MACF1: variants seen among roughly 807,000 people sequenced by gnomAD.
The protein encoded by MACF1 is microtubule-actin cross-linking factor 1.
In MACF1, 193 loss-of-function variants were observed where a neutral mutation model predicts 854.8. That is an observed-to-expected ratio of 0.23 (90% CI 0.20 to 0.25). The LOEUF is 0.25. Ranked by LOEUF, MACF1 falls within the 10% of genes least tolerant of loss-of-function variation. MACF1 has a pLI of 1.00. For missense variants in MACF1, 7,722 were observed against 8,929.1 expected, an observed-to-expected ratio of 0.86 and a Z score of 5.45; for synonymous variants, 3,185 against 3,226.7, an observed-to-expected ratio of 0.99 and a Z score of 0.44.
chr1:39,136,567 C>CGTG (rs994682962), intron 2 of MACF1, among the ~76,000 whole-genome samples: 1 of 152,144 alleles, frequency 6.6e-6, no homozygotes, highest in Non-Finnish European at 1.5e-5. Context: ...CATAGAGACA[C>CGTG]GTCACCTCAG....
chr1:39,300,854 G>T (rs1646025141), intron 22 of MACF1, among the ~76,000 whole-genome samples: 3 of 152,084 alleles, frequency 2.0e-5, no homozygotes, highest in African/African-American at 7.3e-5. Context: ...AGACCAGCTT[G>T]CGTCTCTGCA....
At chr1:39,355,236 G>T (rs561320544) in intron 44 of MACF1, among the ~76,000 whole-genome samples, 5 of 152,218 alleles carry the variant, frequency 3.3e-5, no homozygotes, top group African/African-American at 1.2e-4. Context: ...AGCAAAAATG[G>T]TTCTGCTGTC....
intron 14 of MACF1, among the ~76,000 whole-genome samples, chr1:39,286,274 A>G (rs1465996982): frequency 1.3e-5 from 2 of 151,874 alleles, no homozygotes; most frequent in Admixed American, 1.3e-4. Flanking sequence ...TCAGCCTCCC[A>G]AAGTGCTGGG....
intron 37 of MACF1, 70 bp from the exon 38 acceptor site, chr1:39,337,112 C>G (rs1646824719): frequency 1.4e-6 from 2 of 1,481,232 alleles, no homozygotes; most frequent in African/African-American, 2.8e-5. Context: ...TAACAAAAAC[C>G]CCTGCCTGCT....
intron 2 of MACF1, among the ~76,000 whole-genome samples, chr1:39,236,249 A>G (rs925650320): frequency 5.3e-5 from 8 of 152,220 alleles, no homozygotes; most frequent in African/African-American, 1.9e-4. Context: ...CTCTTAACCC[A>G]TGCAGAACTG....
intron 2 of MACF1, among the ~76,000 whole-genome samples, chr1:39,129,639 C>T (rs898205152): frequency 1.4e-4 from 21 of 152,150 alleles, no homozygotes; most frequent in African/African-American, 5.1e-4. Flanking sequence ...CAGCCCTAGA[C>T]CTTAAGGGTG....
At chr1:39,287,714 C>A in intron 15 of MACF1, 152 bp downstream of exon 15, 1 of 859,568 alleles carries the variant, frequency 1.2e-6, no homozygotes, top group Non-Finnish European at 1.8e-6. Flanking sequence ...GCTATGTTGC[C>A]CAGGCTGGAC....
At chr1:39,198,906 T>C (rs1053831221) in intron 2 of MACF1, among the ~76,000 whole-genome samples, 19 of 152,196 alleles carry the variant, frequency 1.2e-4, no homozygotes, top group Non-Finnish European at 2.1e-4. Context: ...CAGGTGGAAC[T>C]ATTATATAAA....
intron 58 of MACF1, chr1:39,410,957 A>C (rs760521970): frequency 1.9e-6 from 3 of 1,613,872 alleles, no homozygotes; most frequent in Non-Finnish European, 2.5e-6. Context: ...CCTCCTCATG[A>C]ATTCCAGCCT....
chr1:39,448,526 T>C, intron 83 of MACF1, 68 bp from the exon 84 acceptor site: 3 of 1,339,490 alleles, frequency 2.2e-6, no homozygotes, highest in Admixed American at 2.7e-5. Flanking sequence ...AAAACTCAAA[T>C]TCTTTTGTTC....
In MACF1 at chr1:39,301,712, AC is replaced by A. The variant is rs1249358597; in HGVS notation, c.2635-1211del. On this transcript the variant is annotated intron_variant, in intron 22 of 100. Coordinates refer to ENST00000564288, the MANE Select transcript of MACF1 (RefSeq NM_001394062.1). ...AGTGCTGGGATTACAGGCATAAGCC[AC>A]TGCGCCCAGCGTTTGTTTGTTTTTT... Among the ~76,000 whole-genome samples the A allele has an allele frequency of 2.2e-4, 33 of 151,726 alleles. 1 individual carries two copies. The highest frequency in any genetic ancestry group is 3.9e-4 in the Admixed American group (6 of 15,256).
intron 1 of MACF1, among the ~76,000 whole-genome samples, chr1:39,205,741 A>G (rs950607683): frequency 1.3e-5 from 2 of 152,118 alleles, no homozygotes; most frequent in African/African-American, 4.8e-5. Context: ...ATCTTGTTCA[A>G]TGCAAGGAAG....
intron 2 of MACF1, among the ~76,000 whole-genome samples, chr1:39,178,767 G>A (rs1644066249): frequency 6.6e-6 from 1 of 152,168 alleles, no homozygotes; most frequent in Admixed American, 6.5e-5. Flanking sequence ...CATGAGGCAT[G>A]GCTATGGCAT....
intron 2 of MACF1, among the ~76,000 whole-genome samples, chr1:39,145,001 A>G (rs1473115581): frequency 1.3e-5 from 2 of 152,082 alleles, no homozygotes; most frequent in Non-Finnish European, 2.9e-5. Flanking sequence ...ATCATGTACA[A>G]TAGGGCTCGT....
Position 39,442,307 on chromosome 1 carries a change from T to G in MACF1, c.18935T>G (p.Ile6312Ser). Reference protein sequence around the residue: ...KHLWENLGEKIAHRQHKLEGA... With the variant: ...KHLWENLGEKSAHRQHKLEGA... ...CTCTGGGAGAACCTGGGTGAGAAAATTGCCCACCGACAGGTAAGGCAGGTG... is the reference window on the plus strand; with the variant it reads ...CTCTGGGAGAACCTGGGTGAGAAAAGTGCCCACCGACAGGTAAGGCAGGTG... Residue 6312 changes from isoleucine (I) to serine (S), a missense_variant, in exon 76 of 101, where the codon ATT becomes AGT. By Grantham distance (142) the Ile-to-Ser change is moderately radical. Around this residue, in one of 15 missense-constraint regions of MACF1, gnomAD observed 2,807 missense variants for 3,235.8 expected, o/e 0.87. Coordinates refer to ENST00000564288, the MANE Select transcript of MACF1 (RefSeq NM_001394062.1). 2 of 1,593,784 alleles carry G rather than the reference T, an allele frequency of 1.3e-6. No homozygotes were observed. Among genetic ancestry groups the G allele is most frequent in the Non-Finnish European group, 1.7e-6 (2 of 1,172,928 alleles).
chr1:39,418,854 C>A (rs1643426617), intron 58 of MACF1, among the ~76,000 whole-genome samples: 1 of 149,726 alleles, frequency 6.7e-6, no homozygotes, highest in Admixed American at 6.7e-5. Context: ...CAGTGTGAGA[C>A]CCTGTCTCAA....
At chr1:39,222,852 C>T (rs1419478057) in intron 1 of MACF1, among the ~76,000 whole-genome samples, 1 of 152,108 alleles carries the variant, frequency 6.6e-6, no homozygotes, top group Non-Finnish European at 1.5e-5. Flanking sequence ...CCTTTGGAAA[C>T]AGGAGAGGCT....
At chr1:39,177,156 A>G (rs1644039919) in intron 2 of MACF1, among the ~76,000 whole-genome samples, 1 of 151,898 alleles carries the variant, frequency 6.6e-6, no homozygotes, top group African/African-American at 2.4e-5. Flanking sequence ...TATTTTTGAG[A>G]CCTAGTTTCG....
intron 2 of MACF1, among the ~76,000 whole-genome samples, chr1:39,186,279 TTTTAA>T (rs2148240755): frequency 6.7e-6 from 1 of 150,298 alleles, no homozygotes; most frequent in Admixed American, 6.6e-5. Context: ...TTTTTTTTTT[TTTTAA>T]TTTGAGACAG....
Sources: gnomAD v4.1 joint callset for allele counts (sites outside exome capture counted in the v4.1 genomes callset) on GRCh38, gnomAD v4.1.1 for gene constraint, gnomAD v4.1.1 regional missense constraint, MANE v1.5 for transcripts, NCBI Gene and HGNC (gene_info 2026-07-23, HGNC 2026-07-21) for gene names.